The following BAZ2B variants were observed in gnomAD, a reference collection of about 807,000 sequenced individuals.
BAZ2B encodes bromodomain adjacent to zinc finger domain protein 2B.
A neutral mutation model predicts 246.0 loss-of-function variants in BAZ2B; 91 were observed. The ratio of observed to expected loss-of-function variants is 0.37; its 90% CI spans 0.31 to 0.44. The LOEUF (loss-of-function observed/expected upper bound fraction) is 0.44. Ranked by LOEUF, BAZ2B falls within the 20% of genes least tolerant of loss-of-function variation. BAZ2B has a pLI of 1.00. For missense variants in BAZ2B, 2,332 were observed against 2,533.7 expected, an observed-to-expected ratio of 0.92 and a Z score of 1.71; for synonymous variants, 855 against 860.0, an observed-to-expected ratio of 0.99 and a Z score of 0.10.
At chr2:159,377,812 C>CAAAAAAAAAAAAAAAAAAAAAAA (rs35570732) in intron 25 of BAZ2B, among the ~76,000 whole-genome samples, 6 of 94,198 alleles carry the variant, frequency 6.4e-5, no homozygotes, top group African/African-American at 2.0e-4. Flanking sequence ...ACTCTGTCTC[C>CAAAAAAAAAAAAAAAAAAAAAAA]AAAAAAAAAA....
At chr2:159,326,023 A>C in intron 34 of BAZ2B, 105 bp from the exon 35 acceptor site, 1 of 960,930 alleles carries the variant, frequency 1.0e-6, no homozygotes, top group South Asian at 1.9e-5. Flanking sequence ...AAAAAGAATA[A>C]CTCTGATCTA....
chr2:159,443,735 C>A (rs2073838784), intron 6 of BAZ2B, among the ~76,000 whole-genome samples: 1 of 152,060 alleles, frequency 6.6e-6, no homozygotes, highest in Admixed American at 6.6e-5. Context: ...ACTATGGTAC[C>A]TCAGAATCTA....
the BAZ2B span, among the ~76,000 whole-genome samples, chr2:159,696,127 T>C: frequency 1.3e-5 from 2 of 152,196 alleles, no homozygotes; most frequent in African/African-American, 4.8e-5. Context: ...ATGAACCTCA[T>C]TGCCTATTTT....
intron 27 of BAZ2B, among the ~76,000 whole-genome samples, chr2:159,372,518 T>C (rs1419083956): frequency 2.0e-5 from 3 of 152,130 alleles, no homozygotes; most frequent in African/African-American, 7.2e-5. Flanking sequence ...GAAAGAAATC[T>C]AAAGGTAGAA....
At chr2:159,370,703 T>C (rs1260503579) in intron 27 of BAZ2B, among the ~76,000 whole-genome samples, 1 of 152,052 alleles carries the variant, frequency 6.6e-6, no homozygotes, top group Non-Finnish European at 1.5e-5. Flanking sequence ...ACCCATACTT[T>C]TGTCATTTTA....
At position 159,347,614 on chromosome 2, in the gene BAZ2B, T is replaced by C; in HGVS notation, c.5326A>G (p.Asn1776Asp). ...TCCACAATATCTCGAGTTACTTGGTTTTCTTCATTTTCATTCAGTTCAATA... is the reference window on the plus strand; with the variant it reads ...TCCACAATATCTCGAGTTACTTGGTCTTCTTCATTTTCATTCAGTTCAATA... ...AIIELNENEE[N>D]QVTRDIVENW... The change falls in exon 31 of 37, where the codon AAC (asparagine) becomes GAC (aspartate). Residue 1776 changes from asparagine to aspartate, a missense_variant. This residue lies in a region of BAZ2B where 676 missense variants were observed against 668.6 expected (regional missense o/e 1.01). Coordinates refer to ENST00000392783, the MANE Select transcript of BAZ2B (RefSeq NM_013450.4). 6.2e-7 allele frequency: 1 copy of C among 1,611,706 alleles called. No individual in the cohort carries two copies. The highest frequency in any genetic ancestry group is 8.5e-7 in the Non-Finnish European group (1 of 1,178,402).
rs140159096 is a variant in BAZ2B, at chr2:159,392,750, T to C, written c.3075+3019A>G. 1.1e-4 allele frequency among the ~76,000 whole-genome samples: 16 copies of C among 152,320 alleles called. No individual in the cohort carries two copies. The East Asian group carries it at 2.3e-3, about 22-fold the overall frequency. ...CATATAAAAATTATTTGAGCATTTA[T>C]AAATTTGCTGAATGATTAATTCTTC... On this transcript the variant is annotated intron_variant, in intron 20 of 36. Coordinates refer to ENST00000392783, the MANE Select transcript of BAZ2B (RefSeq NM_013450.4).
intron 1 of BAZ2B, among the ~76,000 whole-genome samples, chr2:159,557,106 T>TC (rs1215901421): frequency 6.7e-6 from 1 of 150,354 alleles, no homozygotes; most frequent in Non-Finnish European, 1.5e-5. Context: ...TTACTGGCTC[T>TC]CCTATGTTAC....
At chr2:159,514,160 GTTTA>G (rs1430479079) in intron 2 of BAZ2B, among the ~76,000 whole-genome samples, 3 of 152,020 alleles carry the variant, frequency 2.0e-5, no homozygotes, top group African/African-American at 4.8e-5. Context: ...ATGCTATGCA[GTTTA>G]TTTATTATTA....
Position 159,574,000 on chromosome 2 carries a change from C to T in BAZ2B, c.-45-18135G>A, listed in dbSNP as rs76331918. Among the ~76,000 whole-genome samples, 102 of 152,112 alleles carry T rather than the reference C, an allele frequency of 6.7e-4. No individual in the cohort carries two copies. The East Asian group carries it at 0.016, about 24-fold the overall frequency. On this transcript the variant is annotated intron_variant, in intron 1 of 36. Transcript: ENST00000392783. Reference sequence around the variant, plus strand: ...CCCATAGTCCCAGCTACTTGGGTGGCTGAGGGGGAGGATCCCTAGAGCCTG... The same window carrying T: ...CCCATAGTCCCAGCTACTTGGGTGGTTGAGGGGGAGGATCCCTAGAGCCTG...
chr2:159,576,510 C>A (rs1685326614), intron 1 of BAZ2B, among the ~76,000 whole-genome samples: 1 of 146,612 alleles, frequency 6.8e-6, no homozygotes, highest in Admixed American at 6.8e-5. Context: ...TCATCATGCA[C>A]CAATCAGATT....
chr2:159,337,780 T>A lies in BAZ2B; in HGVS notation c.5455-8A>T. Reference sequence around the variant, plus strand: ...CTCTGGACACATCCAACCCTATATATCAAGAGAATAGTGTTATTATGGTTT... The same window carrying A: ...CTCTGGACACATCCAACCCTATATAACAAGAGAATAGTGTTATTATGGTTT... On this transcript the variant is annotated splice_polypyrimidine_tract_variant and splice_region_variant and intron_variant, in intron 31 of 36. Coordinates refer to ENST00000392783, the MANE Select transcript of BAZ2B (RefSeq NM_013450.4). 1 of 1,610,266 alleles carries A rather than the reference T, an allele frequency of 6.2e-7. No homozygotes were observed. The highest frequency in any genetic ancestry group is 1.7e-4 in the Middle Eastern group (1 of 6,034).
chr2:159,579,773 T>G (rs899156434), intron 1 of BAZ2B, among the ~76,000 whole-genome samples: 2 of 152,052 alleles, frequency 1.3e-5, no homozygotes, highest in African/African-American at 2.4e-5. Context: ...CATACACAAA[T>G]CAATAAATGT....
At position 159,568,002 on chromosome 2, in the gene BAZ2B, A is replaced by T. The variant is rs34678516; in HGVS notation, c.-45-12137T>A. On this transcript the variant is annotated intron_variant, in intron 1 of 36. Coordinates refer to ENST00000392783, the MANE Select transcript of BAZ2B (RefSeq NM_013450.4). ...CTAAAAATAAATAAACATAAAAATCACAATAAATTTTTTTGAGATAAAACT... is the reference window on the plus strand; with the variant it reads ...CTAAAAATAAATAAACATAAAAATCTCAATAAATTTTTTTGAGATAAAACT... Among the ~76,000 whole-genome samples the T allele has an allele frequency of 1.1e-4, 17 of 152,260 alleles. No individual in the cohort carries two copies. The East Asian group carries it at 3.1e-3, about 28-fold the overall frequency.
rs200216590 is a variant in BAZ2B, at chr2:159,433,006, C to T, written c.1651G>A (p.Val551Ile). ...GRRTPGNQTPVMPSASPILHS... is the reference protein window; with the variant it reads ...GRRTPGNQTPIMPSASPILHS... ...AGGATGGGAGAGGCAGAGGGCATTA[C>T]AGGTGTCTGATTGCCAGGGGTTCTT... The change falls in exon 9 of 37, where the codon GTA becomes ATA. Residue 551 changes from valine to isoleucine, a missense_variant. This residue lies in a region of BAZ2B where 651 missense variants were observed against 650.9 expected (regional missense o/e 1.00). Coordinates refer to ENST00000392783, the MANE Select transcript of BAZ2B (RefSeq NM_013450.4). 83 of 1,614,052 alleles carry T rather than the reference C, an allele frequency of 5.1e-5. No homozygotes were observed. The African/African-American group carries it at 8.3e-4, about 16-fold the overall frequency.
intron 1 of BAZ2B, among the ~76,000 whole-genome samples, chr2:159,590,240 C>A (rs992205200): frequency 5.2e-5 from 3 of 58,122 alleles, no homozygotes; most frequent in Non-Finnish European, 7.2e-5. Context: ...AACAACCCAG[C>A]AAGAACTGGC....
At chr2:159,388,708 G>C (rs2062940330) in intron 21 of BAZ2B, among the ~76,000 whole-genome samples, 1 of 151,952 alleles carries the variant, frequency 6.6e-6, no homozygotes, top group Non-Finnish European at 1.5e-5. Flanking sequence ...GTTCAATAAA[G>C]GTTTGCCACC....
chr2:159,419,326 C>T (rs1342574210), intron 13 of BAZ2B, among the ~76,000 whole-genome samples: 2 of 151,934 alleles, frequency 1.3e-5, no homozygotes, highest in African/African-American at 4.8e-5. Flanking sequence ...CAGATATTTG[C>T]GACGAAATTT....
the BAZ2B span, among the ~76,000 whole-genome samples, chr2:159,647,587 C>T: frequency 6.6e-6 from 1 of 152,154 alleles, no homozygotes; most frequent in African/African-American, 2.4e-5. Context: ...AATTGATACA[C>T]AAAATTAACC....
Sources: allele counts gnomAD v4.1 joint callset (sites outside exome capture counted in the v4.1 genomes callset), GRCh38; gene constraint gnomAD v4.1.1; regional missense constraint gnomAD v4.1.1; transcripts MANE v1.5; gene names NCBI Gene and HGNC (gene_info 2026-07-23, HGNC 2026-07-21).